Variants in DACH2 observed in about 807,000 individuals in gnomAD.
The protein encoded by DACH2 is dachshund family transcription factor 2, also known as dachshund homolog 2.
A neutral mutation model predicts 35.8 loss-of-function variants in DACH2; 17 were observed. The ratio of observed to expected loss-of-function variants is 0.48; its 90% CI spans 0.33 to 0.71. The LOEUF is 0.71. Among genes scored for constraint, DACH2 ranks in the 30% least tolerant of loss-of-function variants. The pLI, the probability that DACH2 is intolerant of heterozygous loss-of-function variation, is 0.02. For missense variants in DACH2, 469 were observed against 472.7 expected (o/e 0.99, Z 0.07); for synonymous variants, 195 against 177.3 (o/e 1.10, Z -0.79).
intron 3 of DACH2, among the ~76,000 whole-genome samples, chrX:86,563,994 C>A (rs1421419540): frequency 1.8e-5 from 2 of 110,607 alleles, no homozygotes; most frequent in East Asian, 5.7e-4. Flanking sequence ...TCTCACTTAA[C>A]CCTTCATATG....
intron 1 of DACH2, among the ~76,000 whole-genome samples, chrX:86,328,587 C>CA (rs1418960850): frequency 9.0e-6 from 1 of 111,225 alleles, no homozygotes; most frequent in Non-Finnish European, 1.9e-5. Flanking sequence ...GAAAAAGCAA[C>CA]AAAAAAAGAA....
intron 1 of DACH2, among the ~76,000 whole-genome samples, chrX:86,373,992 T>C (rs1388675027): frequency 1.3e-4 from 15 of 111,127 alleles, no homozygotes; most frequent in African/African-American, 4.9e-4. Context: ...TTTAAATTTA[T>C]CCTAAAAGGA....
intron 4 of DACH2, among the ~76,000 whole-genome samples, chrX:86,660,082 T>A (rs1488473525): frequency 1.8e-5 from 2 of 111,288 alleles, no homozygotes; most frequent in Non-Finnish European, 3.8e-5. Flanking sequence ...TGGAAAATAC[T>A]TTTTTTGTAT....
chrX:86,774,763 T>C (rs2042015972), intron 7 of DACH2, among the ~76,000 whole-genome samples: 1 of 112,106 alleles, frequency 8.9e-6, no homozygotes, highest in South Asian at 3.7e-4. Context: ...AAAGCAATTA[T>C]ATTCATGACA....
intron 2 of DACH2, among the ~76,000 whole-genome samples, chrX:86,404,777 T>C (rs1288377789): frequency 8.9e-6 from 1 of 112,520 alleles, no homozygotes; most frequent in East Asian, 2.8e-4. Flanking sequence ...ACATTTCCTT[T>C]CTGCACTGCC....
At chrX:86,764,512 G>A (rs767041526) in intron 7 of DACH2, among the ~76,000 whole-genome samples, 8 of 111,556 alleles carry the variant, frequency 7.2e-5, no homozygotes, top group Non-Finnish European at 1.3e-4. Context: ...AGATCACTTA[G>A]GATAATTGCT....
intron 5 of DACH2, among the ~76,000 whole-genome samples, chrX:86,698,855 T>G (rs919365474): frequency 9.0e-6 from 1 of 110,974 alleles, no homozygotes; most frequent in Non-Finnish European, 1.9e-5. Flanking sequence ...AAATTCTTAA[T>G]CTAACACATA....
chrX:86,406,621 A>C (rs761776695), intron 2 of DACH2, among the ~76,000 whole-genome samples: 2 of 112,522 alleles, frequency 1.8e-5, no homozygotes, highest in Admixed American at 9.4e-5. Flanking sequence ...TGACATGCTT[A>C]AGACAGAGAC....
intron 1 of DACH2, among the ~76,000 whole-genome samples, chrX:86,331,126 T>A (rs1160659944): frequency 9.0e-6 from 1 of 111,703 alleles, no homozygotes; most frequent in Non-Finnish European, 1.9e-5. Context: ...GAAAGTTACT[T>A]TCAAAGCCTA....
intron 10 of DACH2, 84 bp downstream of exon 10, chrX:86,814,918 G>A: frequency 2.0e-6 from 2 of 1,000,030 alleles, no homozygotes; most frequent in Non-Finnish European, 2.7e-6. Flanking sequence ...TAAAAAGAGA[G>A]GAAGGCAGAA....
At chrX:86,597,943 C>T (rs1021861306) in intron 3 of DACH2, among the ~76,000 whole-genome samples, 14 of 111,702 alleles carry the variant, frequency 1.3e-4, no homozygotes, top group Non-Finnish European at 2.4e-4. Context: ...TACAGTCCCA[C>T]GTGGCTGGGG....
Position 86,689,743 on chromosome X carries a change from A to G in DACH2, c.773-5278A>G, listed in dbSNP as rs73247221. Among the ~76,000 whole-genome samples the G allele has an allele frequency of 1.7e-3, 194 of 112,051 alleles. 1 individual carries two copies. The South Asian group carries it at 0.018, about 11-fold the overall frequency. On this transcript the variant is annotated intron_variant, in intron 4 of 11. Transcript: ENST00000373125. The stretch of plus-strand genomic sequence containing the variant: ...TTTTGTTGTAGCTAGAAAAGTTTCA[A>G]TGTAAGTACAGCTTTTTATAAACAC...
rs201644507 is a variant in DACH2, at chrX:86,149,017, G to A, written c.397G>A (p.Gly133Arg). Residue 133 changes from glycine (G) to arginine (R), a missense_variant, in exon 1 of 12, where the codon GGG (glycine) becomes AGG (arginine). Physicochemically the swap from Gly to Arg is moderately radical, Grantham distance 125. Transcript: ENST00000373125. ...CTVEQVRILRGLGAIQPGVNR... is the reference protein window; with the variant it reads ...CTVEQVRILRRLGAIQPGVNR... ...TGTTGAGCAGGTCCGGATCCTCCGC[G>A]GGCTGGGGGCCATCCAGCCCGGGGT... 6.5e-5 allele frequency: 79 copies of A among 1,208,078 alleles called. No homozygotes were observed. Among genetic ancestry groups the A allele is most frequent in the Admixed American group, 5.0e-4 (23 of 45,651 alleles).
rs774157488 is a variant in DACH2 at position 86,629,721 on chromosome X, G to A, written c.641-21315G>A. On this transcript the variant is annotated intron_variant, in intron 3 of 11. Transcript: ENST00000373125. ...AATATGGTGAAACCCTATCTCTGCA[G>A]AATAAAAAAAAAAAAATTAGCCAGG... 2.9e-4 allele frequency among the ~76,000 whole-genome samples: 28 copies of A among 97,239 alleles called. No individual in the cohort carries two copies. The East Asian group carries it at 3.9e-3, about 14-fold the overall frequency. The allele number at this position is 97,239 out of a possible 115,157, so 84.4% of individuals were successfully genotyped here. A position where few individuals can be genotyped will look rare whatever the true frequency, so the allele number is the denominator to read the frequency against.
At chrX:86,322,030 A>T (rs1287725554) in intron 1 of DACH2, among the ~76,000 whole-genome samples, 1 of 110,350 alleles carries the variant, frequency 9.1e-6, no homozygotes, top group Non-Finnish European at 1.9e-5. Flanking sequence ...GGGAAACTGG[A>T]AGCACTGGGG....
At chrX:86,520,655 A>G (rs1474352571) in intron 3 of DACH2, among the ~76,000 whole-genome samples, 1 of 111,559 alleles carries the variant, frequency 9.0e-6, no homozygotes, top group Non-Finnish European at 1.9e-5. Flanking sequence ...ACCATTATGT[A>G]ATGCCCCTTC....
chrX:86,562,229 G>GT lies in DACH2; in HGVS notation c.640+47844dup, dbSNP rs1335078925. 2.7e-5 allele frequency among the ~76,000 whole-genome samples: 3 copies of GT among 110,454 alleles called. No homozygotes were observed. In the East Asian group the frequency reaches 8.6e-4, roughly 32 times the overall value. On this transcript the variant is annotated intron_variant, in intron 3 of 11. Transcript: ENST00000373125. ...TTGAGTTTTCAAGAAGGTGACACAT[G>GT]TTTTTTGTTTTGTTTTGTTTTGTTT...
intron 3 of DACH2, among the ~76,000 whole-genome samples, chrX:86,546,607 C>A (rs1319392563): frequency 9.8e-6 from 1 of 101,661 alleles, no homozygotes; most frequent in Admixed American, 1.1e-4. Flanking sequence ...CTCTGCGTCC[C>A]GGGTCCAAGC....
intron 2 of DACH2, among the ~76,000 whole-genome samples, chrX:86,488,179 G>A (rs752117349): frequency 9.0e-6 from 1 of 111,618 alleles, no homozygotes; most frequent in South Asian, 3.7e-4. Flanking sequence ...AAGATGGGAT[G>A]AATGAAACAT....
Sources: gnomAD v4.1 joint callset for allele counts (sites outside exome capture counted in the v4.1 genomes callset) on GRCh38, gnomAD v4.1.1 for gene constraint, MANE v1.5 for transcripts, NCBI Gene and HGNC (gene_info 2026-07-23, HGNC 2026-07-21) for gene names.